USP45: variants seen among roughly 807,000 people sequenced by gnomAD.
USP45 encodes ubiquitin carboxyl-terminal hydrolase 45.
USP45 carries 89 observed loss-of-function variants against 95.8 expected under a neutral mutation model. The ratio of observed to expected loss-of-function variants is 0.93; its 90% CI spans 0.78 to 1.11. The LOEUF is 1.11. Among genes scored for constraint, USP45 ranks in the 50% least tolerant of loss-of-function variants. The pLI, the probability that USP45 is intolerant of heterozygous loss-of-function variation, is 0.00. For synonymous variants in USP45, 281 were observed against 316.2 expected (o/e 0.89, Z 1.18); for missense variants, 898 against 942.5 (o/e 0.95, Z 0.62).
intron 5 of USP45, 126 bp downstream of exon 5, chr6:99,503,639 A>G (rs1255871094): frequency 1.5e-6 from 1 of 668,630 alleles, no homozygotes; most frequent in Non-Finnish European, 2.4e-6. Context: ...CGATACTCAT[A>G]ATATCTTTAT....
chr6:99,507,820 G>A (rs1243162095), intron 3 of USP45, among the ~76,000 whole-genome samples: 1 of 152,174 alleles, frequency 6.6e-6, no homozygotes, highest in Non-Finnish European at 1.5e-5. Context: ...CAGGCCAGTG[G>A]TGCCCTTCTG....
Position 99,445,784 on chromosome 6 carries a change from A to G in USP45, c.1975+13T>C. 1 of 1,523,566 alleles carries G rather than the reference A, an allele frequency of 6.6e-7. No individual in the cohort carries two copies. The highest frequency in any genetic ancestry group is 8.8e-7 in the Non-Finnish European group (1 of 1,139,308). The allele number at this position is 1,523,566 out of a possible 1,614,324, so 94.4% of individuals were successfully genotyped here. Reference sequence around the variant, plus strand: ...CAGGAGATCAATAATTATGTAATTAAAAAAATAATTACCTGCAAAACTGGT... The same window carrying G: ...CAGGAGATCAATAATTATGTAATTAGAAAAATAATTACCTGCAAAACTGGT... On this transcript the variant is annotated intron_variant, in intron 14 of 17. Transcript: ENST00000500704.
intron 15 of USP45, 95 bp downstream of exon 15, chr6:99,443,470 T>C (rs946773035): frequency 1.4e-6 from 1 of 736,742 alleles, no homozygotes; most frequent in African/African-American, 1.8e-5. Flanking sequence ...ATGCAATAAG[T>C]TACTGGTTAT....
intron 13 of USP45, among the ~76,000 whole-genome samples, chr6:99,448,009 A>G (rs1782928408): frequency 6.6e-6 from 1 of 152,236 alleles, no homozygotes; most frequent in African/African-American, 2.4e-5. Context: ...GAAAACTAAC[A>G]AACAGGACAT....
At chr6:99,437,922 C>T (rs1442103143) in intron 16 of USP45, among the ~76,000 whole-genome samples, 4 of 152,108 alleles carry the variant, frequency 2.6e-5, no homozygotes, top group East Asian at 3.9e-4. Context: ...CCTCCCAAAG[C>T]GCTGGGATTA....
intron 5 of USP45, 51 bp downstream of exon 5, chr6:99,503,714 T>A: frequency 8.2e-7 from 1 of 1,219,570 alleles, no homozygotes; most frequent in Non-Finnish European, 1.2e-6. Context: ...ATGAACTCTA[T>A]ATGAAATACT....
intron 2 of USP45, 53 bp from the exon 3 acceptor site, chr6:99,508,835 A>G: frequency 1.3e-6 from 2 of 1,510,332 alleles, no homozygotes; most frequent in South Asian, 1.3e-5. Flanking sequence ...CCAAAGTGCT[A>G]CCATTACTGA....
intron 9 of USP45, among the ~76,000 whole-genome samples, chr6:99,474,199 G>A (rs1034338760): frequency 1.3e-5 from 2 of 152,114 alleles, no homozygotes; most frequent in South Asian, 2.1e-4. Flanking sequence ...AATTAAAACA[G>A]GATTTTTGTT....
In USP45 at chr6:99,434,094, A is replaced by G. The variant is rs931366046; in HGVS notation, c.*1622T>C. The G allele has an allele frequency of 1.6e-4, 24 of 152,320 alleles. No individual in the cohort carries two copies. Among genetic ancestry groups the G allele is most frequent in the Non-Finnish European group, 3.1e-4 (21 of 68,024 alleles). 9.4% of individuals were successfully genotyped at this position (152,320 alleles called of 1,614,324 possible). On this transcript the variant is annotated 3_prime_UTR_variant, in exon 18 of 18. Transcript: ENST00000500704. ...GATTAACTTAAAGATATATTTCTTG[A>G]TTATTTCACTGTTAAAAATCAAGAA...
intron 13 of USP45, among the ~76,000 whole-genome samples, chr6:99,454,394 T>A (rs1010012974): frequency 6.6e-6 from 1 of 152,042 alleles, no homozygotes; most frequent in African/African-American, 2.4e-5. Context: ...AGGACATTAG[T>A]CTAGGTAATG....
intron 5 of USP45, among the ~76,000 whole-genome samples, chr6:99,496,472 A>AGG (rs1325558671): frequency 1.3e-5 from 2 of 152,094 alleles, no homozygotes; most frequent in African/African-American, 4.8e-5. Flanking sequence ...ATTGTAAACC[A>AGG]GGAGCATGAG....
intron 13 of USP45, among the ~76,000 whole-genome samples, chr6:99,463,619 C>T (rs1787076374): frequency 6.6e-6 from 1 of 151,914 alleles, no homozygotes; most frequent in Admixed American, 6.6e-5. Flanking sequence ...CGAGACCAGC[C>T]TGACCAACAT....
chr6:99,503,033 A>G (rs892109867), intron 5 of USP45, among the ~76,000 whole-genome samples: 2 of 152,232 alleles, frequency 1.3e-5, no homozygotes, highest in Admixed American at 6.5e-5. Context: ...AATACAAGAA[A>G]AGACTAATAC....
At chr6:99,504,028 A>C (rs1797970071) in intron 4 of USP45, among the ~76,000 whole-genome samples, 163 bp from the exon 5 acceptor site, 1 of 152,246 alleles carries the variant, frequency 6.6e-6, no homozygotes, top group Non-Finnish European at 1.5e-5. Context: ...GCAGAGGACA[A>C]TTCATACAGA....
intron 5 of USP45, among the ~76,000 whole-genome samples, chr6:99,500,210 C>T (rs924407534): frequency 2.7e-5 from 4 of 150,858 alleles, no homozygotes; most frequent in Middle Eastern, 3.4e-3. Flanking sequence ...CTGCAGCCTC[C>T]GCCTCCCGGG....
intron 4 of USP45, among the ~76,000 whole-genome samples, chr6:99,504,391 C>T (rs1338308770): frequency 1.3e-5 from 2 of 152,152 alleles, no homozygotes; most frequent in East Asian, 1.9e-4. Flanking sequence ...CCACCCGCCT[C>T]GGCCTCCCAA....
In USP45 at chr6:99,468,588, TAAATGCTTTTA is replaced by T; in HGVS notation, c.953_963del (p.Leu318GlnfsTer6). 6.2e-7 allele frequency: 1 copy of T among 1,608,944 alleles called. No individual in the cohort carries two copies. Among genetic ancestry groups the T allele is most frequent in the South Asian group, 1.1e-5 (1 of 90,366 alleles). ...TCAGCAGTTTTAGTAGTTGGGTTGT[TAAATGCTTTTA>T]GAATGCTAGCTTGTATTCGCTGTAA... On this transcript the variant is annotated frameshift_variant, in exon 10 of 18. Coordinates refer to ENST00000500704, the MANE Select transcript of USP45 (RefSeq NM_001346022.3). LOFTEE classifies it high-confidence loss of function.
At chr6:99,443,758 T>A in intron 14 of USP45, 96 bp from the exon 15 acceptor site, 4 of 766,088 alleles carry the variant, frequency 5.2e-6, no homozygotes, top group Middle Eastern at 8.0e-4. Flanking sequence ...ACCACATTTT[T>A]AAAAATGTTA....
chr6:99,475,221 G>C (rs1790504109), intron 9 of USP45, among the ~76,000 whole-genome samples: 1 of 151,938 alleles, frequency 6.6e-6, no homozygotes, highest in African/African-American at 2.4e-5. Context: ...GAGAAACTAG[G>C]ATAATAAGAA....
Sources: allele counts gnomAD v4.1 joint callset (sites outside exome capture counted in the v4.1 genomes callset), GRCh38; gene constraint gnomAD v4.1.1; transcripts MANE v1.5; gene names NCBI Gene and HGNC (gene_info 2026-07-23, HGNC 2026-07-21).